The following PRKN variants were observed in gnomAD, a reference collection of about 807,000 sequenced individuals.
The protein encoded by PRKN is E3 ubiquitin-protein ligase parkin.
A neutral mutation model predicts 59.5 loss-of-function variants in PRKN; 56 were observed. The ratio of observed to expected loss-of-function variants is 0.94; its 90% CI spans 0.76 to 1.18. PRKN has a LOEUF of 1.18. PRKN is among the 50% of genes most tolerant of loss of function. The pLI is 0.00. For synonymous variants in PRKN, 250 were observed against 222.1 expected, an observed-to-expected ratio of 1.13 and a Z score of -1.12; for missense variants, 657 against 596.4, an observed-to-expected ratio of 1.10 and a Z score of -1.06.
intron 7 of PRKN, among the ~76,000 whole-genome samples, chr6:161,604,679 A>G (rs1165744962): frequency 1.3e-5 from 2 of 152,182 alleles, no homozygotes; most frequent in African/African-American, 4.8e-5. Context: ...TCATGCCTGT[A>G]ATCCCAACAC....
At chr6:161,469,560 A>AGAGAGATT (rs142870939) in intron 9 of PRKN, among the ~76,000 whole-genome samples, 14,124 of 151,512 alleles carry the variant, frequency 0.093, 1,401 homozygotes, top group African/African-American at 0.27. Context: ...AGAGAGAGAG[A>AGAGAGATT]GAGAGAGAGA....
rs1462649580 is a variant in PRKN, at chr6:162,727,663, T to C, written c.6A>G (p.Ile2Met). M[I>M]VFVRFNSSHG... is the part of the protein sequence containing the mutation. The stretch of plus-strand genomic sequence containing the variant: ...TGTACCTGGCAGGTACCCACGTACC[T>C]ATCATGGTCACTGGGTAGGTGGCGG... The change falls in exon 1 of 12, where the codon ATA becomes ATG. Residue 2 changes from isoleucine (I) to methionine (M), a missense_variant and splice_region_variant. Transcript: ENST00000366898. The C allele has an allele frequency of 1.0e-5, 16 of 1,584,358 alleles. No homozygotes were observed. Among genetic ancestry groups the C allele is most frequent in the Non-Finnish European group, 1.4e-5 (16 of 1,166,290 alleles).
At chr6:161,351,504 T>C (rs1362228444) in intron 11 of PRKN, among the ~76,000 whole-genome samples, 1 of 151,996 alleles carries the variant, frequency 6.6e-6, no homozygotes, top group Non-Finnish European at 1.5e-5. Flanking sequence ...TTTGAATTTT[T>C]CGTAGAGACA....
intron 5 of PRKN, among the ~76,000 whole-genome samples, chr6:162,023,495 A>G (rs1389576189): frequency 6.6e-6 from 1 of 151,976 alleles, no homozygotes; most frequent in Non-Finnish European, 1.5e-5. Flanking sequence ...CGCCCCAGCC[A>G]AACTCCACGT....
At chr6:161,878,272 A>C (rs1794809906) in intron 6 of PRKN, among the ~76,000 whole-genome samples, 1 of 152,238 alleles carries the variant, frequency 6.6e-6, no homozygotes, top group Admixed American at 6.5e-5. Context: ...ATGTATATAC[A>C]GAAACATTTG....
chr6:162,358,830 C>T (rs1161610993), intron 2 of PRKN, among the ~76,000 whole-genome samples: 2 of 151,786 alleles, frequency 1.3e-5, no homozygotes, highest in African/African-American at 2.4e-5. Flanking sequence ...GAGGCCAAGG[C>T]GGGTGGATCA....
chr6:162,256,719 G>A (rs1195771542), intron 3 of PRKN, among the ~76,000 whole-genome samples: 1 of 152,174 alleles, frequency 6.6e-6, no homozygotes, highest in Non-Finnish European at 1.5e-5. Flanking sequence ...CCAGGAGAGG[G>A]ACACCCAGAC....
chr6:162,001,478 T>C (rs7752870), intron 5 of PRKN, among the ~76,000 whole-genome samples: 72,292 of 151,756 alleles, frequency 0.48, 17,445 homozygotes, highest in East Asian at 0.6. Context: ...AGGGAAGCAA[T>C]TGACGTTTGC....
intron 3 of PRKN, among the ~76,000 whole-genome samples, chr6:162,259,976 T>C (rs1421366033): frequency 6.6e-6 from 1 of 152,222 alleles, no homozygotes; most frequent in Non-Finnish European, 1.5e-5. Flanking sequence ...GTTTAGCTGT[T>C]AGTTTAACAC....
chr6:161,719,773 T>C (rs776762630), intron 7 of PRKN, among the ~76,000 whole-genome samples: 1 of 152,148 alleles, frequency 6.6e-6, no homozygotes, highest in East Asian at 1.9e-4. Context: ...ACTACAGACA[T>C]GCACCACCAT....
intron 7 of PRKN, among the ~76,000 whole-genome samples, chr6:161,599,161 C>G (rs1782021677): frequency 1.3e-5 from 2 of 152,342 alleles, no homozygotes; most frequent in Admixed American, 1.3e-4. Flanking sequence ...TTGCAGACTT[C>G]AGGCTCCCAG....
intron 1 of PRKN, among the ~76,000 whole-genome samples, chr6:162,607,208 C>T (rs141866084): frequency 1.8e-4 from 28 of 152,192 alleles, no homozygotes; most frequent in Middle Eastern, 6.8e-3. Context: ...TTGGATACTG[C>T]TAGTTATGAA....
At chr6:161,685,889 T>C (rs1452965752) in intron 7 of PRKN, among the ~76,000 whole-genome samples, 1 of 152,182 alleles carries the variant, frequency 6.6e-6, no homozygotes, top group Non-Finnish European at 1.5e-5. Context: ...CCTTAAATTT[T>C]GTACTCCAGG....
At chr6:161,597,291 C>G (rs563437650) in intron 7 of PRKN, among the ~76,000 whole-genome samples, 46 of 152,320 alleles carry the variant, frequency 3.0e-4, no homozygotes, top group Non-Finnish European at 2.9e-5. Flanking sequence ...AGGTTTCAGA[C>G]CTCAGCTGGT....
At chr6:161,540,668 G>T (rs1779584678) in intron 9 of PRKN, among the ~76,000 whole-genome samples, 1 of 152,152 alleles carries the variant, frequency 6.6e-6, no homozygotes, top group Non-Finnish European at 1.5e-5. Context: ...TGAATCCCAA[G>T]TTGCTTCATA....
chr6:161,917,764 A>T (rs1255259643), intron 6 of PRKN, among the ~76,000 whole-genome samples: 1 of 152,222 alleles, frequency 6.6e-6, no homozygotes, highest in Non-Finnish European at 1.5e-5. Flanking sequence ...GCTTGTAAAA[A>T]TTTAGTTTTT....
intron 6 of PRKN, among the ~76,000 whole-genome samples, chr6:161,947,530 C>T (rs144493859): frequency 5.9e-5 from 9 of 152,262 alleles, no homozygotes; most frequent in East Asian, 1.9e-4. Flanking sequence ...CAGGAGGCAG[C>T]GGCTTCCCCA....
rs1163778732 is a variant in PRKN at position 161,549,124 on chromosome 6, G to A, written c.934-121C>T. 6.6e-5 allele frequency: 29 copies of A among 437,850 alleles called. No individual in the cohort carries two copies. The highest frequency in any genetic ancestry group is 9.9e-5 in the Non-Finnish European group (25 of 252,852). The allele number at this position is 437,850 out of a possible 1,614,324, so 27.1% of individuals were successfully genotyped here. A position where few individuals can be genotyped will look rare whatever the true frequency, so the allele number is the denominator to read the frequency against. ...AGTTTCAGTAAAATAATGCATGTGT[G>A]TGTGTGTGTGTGTGTGTAGGGGGAG... On this transcript the variant is annotated intron_variant, in intron 8 of 11. Transcript: ENST00000366898. This position sits in a 1 kb window ranked among gnomAD's most constrained non-coding sequence, Gnocchi z 6.0.
chr6:162,304,865 A>G (rs965649189), intron 2 of PRKN, among the ~76,000 whole-genome samples: 2 of 152,234 alleles, frequency 1.3e-5, no homozygotes, highest in African/African-American at 4.8e-5. Context: ...TGTTTAACTC[A>G]AGTGAAAATG....
Sources: gnomAD v4.1 joint callset for allele counts (sites outside exome capture counted in the v4.1 genomes callset) on GRCh38, gnomAD v4.1.1 for gene constraint, Gnocchi (gnomAD v3.1) non-coding constraint, MANE v1.5 for transcripts, NCBI Gene and HGNC (gene_info 2026-07-23, HGNC 2026-07-21) for gene names.